Variants in CLVS1 observed in about 807,000 individuals in gnomAD.
CLVS1 encodes clavesin-1.
A neutral mutation model predicts 33.1 loss-of-function variants in CLVS1; 10 were observed. The ratio of observed to expected loss-of-function variants is 0.30; its 90% CI spans 0.19 to 0.51. The LOEUF is 0.51. CLVS1 is among the 20% of genes least tolerant of loss of function. The probability of loss-of-function intolerance (pLI) is 0.97; values close to 1 mark genes in which losing one functional copy is unlikely to be tolerated. For synonymous variants in CLVS1, 163 were observed against 166.1 expected (o/e 0.98, Z 0.14); for missense variants, 343 against 433.4 (o/e 0.79, Z 1.85).
intron 1 of CLVS1, among the ~76,000 whole-genome samples, chr8:61,094,431 T>C (rs980462900): frequency 1.2e-4 from 19 of 152,166 alleles, no homozygotes; most frequent in African/African-American, 3.9e-4. Context: ...TGACATTGTA[T>C]CAGTTTATCC....
At chr8:61,040,588 G>C in the CLVS1 span, among the ~76,000 whole-genome samples, 1 of 152,172 alleles carries the variant, frequency 6.6e-6, no homozygotes. Flanking sequence ...CTGACAATTA[G>C]TGATGATGAG....
At chr8:61,260,164 C>T (rs954537249) in intron 2 of CLVS1, among the ~76,000 whole-genome samples, 1 of 152,250 alleles carries the variant, frequency 6.6e-6, no homozygotes, top group African/African-American at 2.4e-5. Context: ...TCTTGGTTCT[C>T]TTCAGAGCAC....
chr8:61,374,110 A>G (rs1328663519), intron 2 of CLVS1, among the ~76,000 whole-genome samples: 1 of 152,228 alleles, frequency 6.6e-6, no homozygotes, highest in Non-Finnish European at 1.5e-5. Context: ...ATCAAGTCAC[A>G]TGAACAAGGG....
At chr8:61,436,463 T>G (rs1172441320) in intron 3 of CLVS1, among the ~76,000 whole-genome samples, 1 of 152,198 alleles carries the variant, frequency 6.6e-6, no homozygotes, top group African/African-American at 2.4e-5. Context: ...GGCCATATTC[T>G]AAGGACACTT....
intron 3 of CLVS1, among the ~76,000 whole-genome samples, chr8:61,445,726 ACT>A (rs1211861860): frequency 2.0e-5 from 3 of 152,150 alleles, no homozygotes; most frequent in Non-Finnish European, 2.9e-5. Flanking sequence ...TCTGAAAGAG[ACT>A]CTGTAAAATT....
the CLVS1 span, among the ~76,000 whole-genome samples, chr8:61,051,402 G>A: frequency 1.3e-5 from 2 of 152,340 alleles, no homozygotes; most frequent in South Asian, 4.1e-4. Context: ...GGGGAGTTGG[G>A]AAAATGGGGT....
the CLVS1 span, among the ~76,000 whole-genome samples, chr8:60,981,432 C>G: frequency 6.6e-6 from 1 of 152,224 alleles, no homozygotes; most frequent in Non-Finnish European, 1.5e-5. Flanking sequence ...TGTTTCAAAA[C>G]AGGCTGCTGC....
intron 5 of CLVS1, among the ~76,000 whole-genome samples, chr8:61,494,747 GCTT>G (rs1804210371): frequency 6.6e-6 from 1 of 152,082 alleles, no homozygotes; most frequent in Non-Finnish European, 1.5e-5. Context: ...GTATCTCTTG[GCTT>G]TATTTCTTTT....
rs117718344 is a variant in CLVS1, at chr8:61,440,317, C to T, written c.631-13824C>T. ...AAAGTGCTTAGCACAGTTCCTGATGCATACTAACTGTCCAGTAATTCTTAG... is the reference window on the plus strand; with the variant it reads ...AAAGTGCTTAGCACAGTTCCTGATGTATACTAACTGTCCAGTAATTCTTAG... On this transcript the variant is annotated intron_variant, in intron 3 of 5. Transcript: ENST00000325897. Among the ~76,000 whole-genome samples the T allele has an allele frequency of 3.8e-3, 577 of 152,330 alleles. 1 individual carries two copies. Among genetic ancestry groups the T allele is most frequent in the Non-Finnish European group, 6.3e-3 (430 of 68,022 alleles).
intron 2 of CLVS1, among the ~76,000 whole-genome samples, chr8:61,196,199 C>G (rs1368905413): frequency 6.6e-6 from 1 of 152,132 alleles, no homozygotes; most frequent in Non-Finnish European, 1.5e-5. Flanking sequence ...AGGATAGAGA[C>G]AAGGTCTTTC....
intron 1 of CLVS1, among the ~76,000 whole-genome samples, chr8:61,109,418 T>C (rs1298930935): frequency 6.6e-6 from 1 of 152,148 alleles, no homozygotes; most frequent in Non-Finnish European, 1.5e-5. Flanking sequence ...GGACAAATGC[T>C]TTTTAGCTAT....
intron 2 of CLVS1, among the ~76,000 whole-genome samples, chr8:61,223,763 T>C (rs1159746435): frequency 6.6e-6 from 1 of 152,232 alleles, no homozygotes; most frequent in African/African-American, 2.4e-5. Flanking sequence ...GATAATATCG[T>C]GAAGTGTGTT....
intron 2 of CLVS1, among the ~76,000 whole-genome samples, chr8:61,224,802 T>C (rs1201783406): frequency 6.6e-6 from 1 of 152,142 alleles, no homozygotes; most frequent in East Asian, 1.9e-4. Context: ...GAGCTAACTA[T>C]CCTAAATATA....
At chr8:61,355,130 C>T (rs568748718) in intron 2 of CLVS1, among the ~76,000 whole-genome samples, 1 of 152,236 alleles carries the variant, frequency 6.6e-6, no homozygotes, top group African/African-American at 2.4e-5. Context: ...TAGCACTTGA[C>T]TTTATCAGCT....
intron 3 of CLVS1, among the ~76,000 whole-genome samples, chr8:61,413,643 A>G (rs1471470472): frequency 1.3e-5 from 2 of 152,152 alleles, no homozygotes; most frequent in Admixed American, 1.3e-4. Flanking sequence ...AACAACCTCC[A>G]TCTGGCAACC....
At chr8:61,113,279 A>G (rs1805661770) in intron 1 of CLVS1, among the ~76,000 whole-genome samples, 2 of 152,316 alleles carry the variant, frequency 1.3e-5, no homozygotes, top group South Asian at 2.1e-4. Context: ...GCAAAAATAG[A>G]AAATTGGGTT....
At chr8:61,397,388 A>G (rs1814569229) in intron 3 of CLVS1, among the ~76,000 whole-genome samples, 1 of 152,042 alleles carries the variant, frequency 6.6e-6, no homozygotes, top group Admixed American at 6.6e-5. Context: ...CCAACTTTTA[A>G]TTTTTTTAAT....
chr8:60,994,183 T>C, the CLVS1 span, among the ~76,000 whole-genome samples: 4 of 152,196 alleles, frequency 2.6e-5, no homozygotes, highest in African/African-American at 9.6e-5. Flanking sequence ...CTTCTCCCTG[T>C]ATCTTCACGT....
rs28647394 is a variant in CLVS1, at chr8:61,474,547, G to C, written c.977+16005G>C. ...CTTCTTCTTCTTTTGTTGAAAATGG[G>C]AACACTAGGATATCTCAATGCTAAT... On this transcript the variant is annotated intron_variant, in intron 5 of 5. Transcript: ENST00000325897. Among the ~76,000 whole-genome samples, 906 of 152,228 alleles carry C rather than the reference G, an allele frequency of 6.0e-3. 16 individuals are homozygous for C. Among genetic ancestry groups the C allele is most frequent in the African/African-American group, 0.021 (852 of 41,518 alleles).
Sources: gnomAD v4.1 joint callset for allele counts (sites outside exome capture counted in the v4.1 genomes callset) on GRCh38, gnomAD v4.1.1 for gene constraint, MANE v1.5 for transcripts, NCBI Gene and HGNC (gene_info 2026-07-23, HGNC 2026-07-21) for gene names.